The following LEPR variants were observed in gnomAD, a reference collection of about 807,000 sequenced individuals.
The protein encoded by LEPR is OB receptor.
LEPR carries 56 observed loss-of-function variants against 114.7 expected under a neutral mutation model. The ratio of observed to expected loss-of-function variants is 0.49; its 90% CI spans 0.39 to 0.61. The LOEUF (loss-of-function observed/expected upper bound fraction) is 0.61. Ranked by LOEUF, LEPR falls within the 20% of genes least tolerant of loss-of-function variation. The probability of loss-of-function intolerance (pLI) is 0.00; values close to 1 mark genes in which losing one functional copy is unlikely to be tolerated. For missense variants in LEPR, 1,202 were observed against 1,352.9 expected (o/e 0.89, Z 1.75); for synonymous variants, 443 against 461.4 (o/e 0.96, Z 0.51).
intron 2 of LEPR, among the ~76,000 whole-genome samples, chr1:65,464,299 T>G (rs561729437): frequency 6.6e-6 from 1 of 152,350 alleles, no homozygotes; most frequent in East Asian, 1.9e-4. Context: ...GATTTTGTCT[T>G]TGGTCCTGTT....
chr1:65,490,246 A>G lies in LEPR; in HGVS notation c.-21+64868A>G, dbSNP rs778328678. On this transcript the variant is annotated intron_variant, in intron 2 of 19. Transcript: ENST00000349533. ...TTATTACTGGGGGATGCTGCTGTCC[A>G]CGTACCAAAAGAGAACTGTAAAAAA... 2.3e-4 allele frequency among the ~76,000 whole-genome samples: 35 copies of G among 152,108 alleles called. 1 individual carries two copies. Among genetic ancestry groups the G allele is most frequent in the Admixed American group, 1.3e-4 (2 of 15,254 alleles).
intron 2 of LEPR, among the ~76,000 whole-genome samples, chr1:65,426,375 A>C (rs575969453): frequency 4.6e-5 from 7 of 152,104 alleles, no homozygotes; most frequent in Non-Finnish European, 1.0e-4. Context: ...TGCCGTGTAG[A>C]GGAGGTTCCA....
In LEPR at chr1:65,435,277, CA is replaced by C. The variant is rs1298865307; in HGVS notation, c.-21+9901del. The C allele has an allele frequency of 4.1e-6, 4 of 984,632 alleles. No individual in the cohort carries two copies. In the African/African-American group the frequency reaches 7.0e-5, roughly 17 times the overall value. 61.0% of individuals were successfully genotyped at this position (984,632 alleles called of 1,614,324 possible). A position where few individuals can be genotyped will look rare whatever the true frequency, so the allele number is the denominator to read the frequency against. On this transcript the variant is annotated intron_variant, in intron 2 of 19. Transcript: ENST00000349533. Reference sequence around the variant, plus strand: ...GTATCTCCTCAATGAATACTGTTTTCAAGGCTGAAATAGTTCATTATGTTAA... The same window carrying C: ...GTATCTCCTCAATGAATACTGTTTTCAGGCTGAAATAGTTCATTATGTTAA...
At chr1:65,422,849 G>A (rs1353109890) in intron 1 of LEPR, among the ~76,000 whole-genome samples, 1 of 152,224 alleles carries the variant, frequency 6.6e-6, no homozygotes, top group African/African-American at 2.4e-5. Flanking sequence ...CTTGTAGGCT[G>A]TGGAAGCAAC....
chr1:65,584,489 C>A (rs1655193200), intron 5 of LEPR, among the ~76,000 whole-genome samples: 1 of 152,082 alleles, frequency 6.6e-6, no homozygotes, highest in East Asian at 1.9e-4. Flanking sequence ...ACTGCACAGT[C>A]CGTTCTAAAC....
intron 2 of LEPR, among the ~76,000 whole-genome samples, chr1:65,476,098 T>C (rs1647156531): frequency 6.6e-6 from 1 of 151,004 alleles, no homozygotes; most frequent in South Asian, 2.1e-4. Context: ...ACCTTTAGCA[T>C]TAAAGGGATG....
intron 4 of LEPR, among the ~76,000 whole-genome samples, chr1:65,571,757 C>G (rs538849057): frequency 5.8e-4 from 81 of 140,050 alleles, no homozygotes; most frequent in African/African-American, 2.1e-3. Context: ...AGTTAGAGAC[C>G]AGCCTGGGCA....
intron 2 of LEPR, among the ~76,000 whole-genome samples, chr1:65,537,758 T>A (rs569579555): frequency 2.6e-5 from 4 of 152,264 alleles, no homozygotes; most frequent in Admixed American, 2.6e-4. Context: ...ATATTTTAGG[T>A]TTAGTATTTG....
intron 5 of LEPR, chr1:65,577,688 C>T (rs1654689374): frequency 5.3e-6 from 1 of 189,958 alleles, no homozygotes; most frequent in Non-Finnish European, 1.1e-5. Flanking sequence ...TCAATATGAC[C>T]ATCACATCAT....
intron 5 of LEPR, among the ~76,000 whole-genome samples, chr1:65,592,031 G>C (rs1478452972): frequency 2.0e-5 from 3 of 151,812 alleles, no homozygotes; most frequent in African/African-American, 7.3e-5. Flanking sequence ...TAGTCCAAGA[G>C]ATAGTATACC....
intron 2 of LEPR, among the ~76,000 whole-genome samples, chr1:65,450,195 G>A (rs1417065187): frequency 1.3e-5 from 2 of 152,092 alleles, no homozygotes; most frequent in Non-Finnish European, 2.9e-5. Context: ...CATGTGAACT[G>A]GAGAAGAAAA....
At chr1:65,615,256 T>A (rs933923440) in intron 14 of LEPR, among the ~76,000 whole-genome samples, 1 of 152,186 alleles carries the variant, frequency 6.6e-6, no homozygotes, top group African/African-American at 2.4e-5. Context: ...TCTGTCTTTA[T>A]AAGGGATTGC....
chr1:65,457,022 AG>A (rs1646885578), intron 2 of LEPR, among the ~76,000 whole-genome samples: 1 of 152,158 alleles, frequency 6.6e-6, no homozygotes, highest in African/African-American at 2.4e-5. Flanking sequence ...TAAAATATGC[AG>A]TATACATTTG....
chr1:65,429,115 C>A (rs1033006589), intron 2 of LEPR, among the ~76,000 whole-genome samples: 5 of 152,058 alleles, frequency 3.3e-5, no homozygotes, highest in Admixed American at 3.3e-4. Flanking sequence ...GCAGAAAGTT[C>A]AAAGAGGGTG....
intron 12 of LEPR, 134 bp downstream of exon 12, chr1:65,609,035 T>C: frequency 8.4e-7 from 1 of 1,187,150 alleles, no homozygotes; most frequent in Non-Finnish European, 1.2e-6. Context: ...TTTCATTAAA[T>C]AGATTTATCT....
chr1:65,451,650 T>C (rs1389878655), intron 2 of LEPR, among the ~76,000 whole-genome samples: 1 of 152,246 alleles, frequency 6.6e-6, no homozygotes, highest in African/African-American at 2.4e-5. Context: ...TCTGTTTTGG[T>C]ACCAGTACCG....
chr1:65,636,886 T>C lies in LEPR; in HGVS notation c.3369T>C (p.Phe1123=), dbSNP rs776871256. Reference sequence around the variant, plus strand: ...TTCTCCAGGACAGTTGCTCACACTTTGTAGAAAATAATATCAACTTAGGAA... The same window carrying C: ...TTCTCCAGGACAGTTGCTCACACTTCGTAGAAAATAATATCAACTTAGGAA... ...IRVLQDSCSH[F]VENNINLGTS... Residue 1123 remains phenylalanine (F), a synonymous_variant, in exon 20 of 20, where the codon TTT becomes TTC. Transcript: ENST00000349533. 1.2e-6 allele frequency: 2 copies of C among 1,606,404 alleles called. No individual in the cohort carries two copies. Among genetic ancestry groups the C allele is most frequent in the African/African-American group, 1.3e-5 (1 of 74,376 alleles).
At chr1:65,467,552 C>T (rs745650210) in intron 2 of LEPR, among the ~76,000 whole-genome samples, 1 of 152,174 alleles carries the variant, frequency 6.6e-6, no homozygotes, top group Non-Finnish European at 1.5e-5. Context: ...GCTGACAGAA[C>T]CACTGCTCGC....
At chr1:65,429,105 G>A (rs1646434641) in intron 2 of LEPR, among the ~76,000 whole-genome samples, 1 of 152,186 alleles carries the variant, frequency 6.6e-6, no homozygotes, top group African/African-American at 2.4e-5. Flanking sequence ...TAAGTGTTGT[G>A]CAGAAAGTTC....
Sources: gnomAD v4.1 joint callset for allele counts (sites outside exome capture counted in the v4.1 genomes callset) on GRCh38, gnomAD v4.1.1 for gene constraint, MANE v1.5 for transcripts, NCBI Gene and HGNC (gene_info 2026-07-23, HGNC 2026-07-21) for gene names.